NWD1: variants seen among roughly 807,000 people sequenced by gnomAD.
The protein encoded by NWD1 is NACHT and WD repeat domain containing 1, also known as NACHT domain- and WD repeat-containing protein 1.
Under a neutral mutation model 135.1 loss-of-function variants are expected in NWD1, and 129 were observed. The ratio of observed to expected loss-of-function variants is 0.96; its 90% CI spans 0.83 to 1.11. NWD1 has a LOEUF of 1.11. NWD1 is among the 50% of genes least tolerant of loss of function. NWD1 has a pLI of 0.00. For synonymous variants in NWD1, 773 were observed against 786.0 expected (o/e 0.98, Z 0.28); for missense variants, 1,740 against 1,851.3 (o/e 0.94, Z 1.10).
At chr19:16,750,483 C>G (rs769597727) in intron 6 of NWD1, 72 bp downstream of exon 6, 15 of 1,205,566 alleles carry the variant, frequency 1.2e-5, no homozygotes, top group Non-Finnish European at 1.7e-5. Flanking sequence ...AGATGGAGGT[C>G]TGGCTATGTC....
intron 5 of NWD1, among the ~76,000 whole-genome samples, chr19:16,746,097 G>A (rs1297439165): frequency 6.6e-6 from 1 of 152,088 alleles, no homozygotes; most frequent in Non-Finnish European, 1.5e-5. Context: ...GCTCATGCCT[G>A]TAATCCCAGC....
rs762146683 is a variant in NWD1 at position 16,749,918 on chromosome 19, T to C, written c.1276T>C (p.Cys426Arg). 1 of 1,613,636 alleles carries C rather than the reference T, an allele frequency of 6.2e-7. No individual in the cohort carries two copies. The highest frequency in any genetic ancestry group is 8.5e-7 in the Non-Finnish European group (1 of 1,180,030). Residue 426 changes from cysteine (C) to arginine (R), a missense_variant, in exon 6 of 19, where the codon TGC becomes CGC. Physicochemically the swap from Cys to Arg is radical, Grantham distance 180. Coordinates refer to ENST00000524140, the MANE Select transcript of NWD1 (RefSeq NM_001007525.5). ...CCATACCCTCCTCCACACTGTCTCT[T>C]GCAGAAACTTCGAGTCTCTCGTGCT... Reference protein sequence around the residue: ...FFHTLLHTVSCRNFESLVLLL... With the variant: ...FFHTLLHTVSRRNFESLVLLL...
At chr19:16,796,512 T>C (rs889069789) in intron 15 of NWD1, among the ~76,000 whole-genome samples, 2 of 152,146 alleles carry the variant, frequency 1.3e-5, no homozygotes, top group Middle Eastern at 3.2e-3. Flanking sequence ...TGGATTTCAT[T>C]TGGAAACAGC....
chr19:16,779,201 T>A lies in NWD1; in HGVS notation c.2609-142T>A, dbSNP rs1416882337. ...CTGAGTCTGCGAATCTAATCCTTGC[T>A]GTGCAGCTTTGGGCAAGGGACCAAA... On this transcript the variant is annotated intron_variant, in intron 11 of 18. Transcript: ENST00000524140. 3.5e-6 allele frequency: 3 copies of A among 857,242 alleles called. No homozygotes were observed. In the African/African-American group the frequency reaches 5.0e-5, roughly 14 times the overall value. 53.1% of individuals were successfully genotyped at this position (857,242 alleles called of 1,614,324 possible).
Position 16,815,693 on chromosome 19 carries a change from G to A in NWD1, c.*654G>A, listed in dbSNP as rs1330315240. 6.2e-5 allele frequency: 12 copies of A among 195,024 alleles called. No individual in the cohort carries two copies. Among genetic ancestry groups the A allele is most frequent in the Non-Finnish European group, 9.5e-5 (9 of 94,486 alleles). 12.1% of individuals were successfully genotyped at this position (195,024 alleles called of 1,614,324 possible). A position where few individuals can be genotyped will look rare whatever the true frequency, so the allele number is the denominator to read the frequency against. ...TCTGGGAGAATGCAGAGCTCTAATC[G>A]GCTAGACTGATCCAATGTCCACCAC... is the stretch of plus-strand genomic sequence containing the variant. On this transcript the variant is annotated 3_prime_UTR_variant, in exon 19 of 19. Transcript: ENST00000524140.
At chr19:16,748,330 G>A (rs970835379) in intron 5 of NWD1, among the ~76,000 whole-genome samples, 3 of 152,032 alleles carry the variant, frequency 2.0e-5, no homozygotes, top group Admixed American at 2.0e-4. Context: ...TATTGTGAAT[G>A]GTGCTGTTAC....
At chr19:16,782,905 CT>C (rs1969905046) in intron 12 of NWD1, among the ~76,000 whole-genome samples, 1 of 110,246 alleles carries the variant, frequency 9.1e-6, no homozygotes, top group Non-Finnish European at 1.6e-5. Flanking sequence ...TCCATCCTTC[CT>C]TCCTTCTTTC....
intron 1 of NWD1, among the ~76,000 whole-genome samples, chr19:16,722,086 C>A (rs1177039478): frequency 6.6e-6 from 1 of 151,598 alleles, no homozygotes; most frequent in African/African-American, 2.4e-5. Context: ...GCACTCTAAT[C>A]TGGGCAATGG....
intron 1 of NWD1, 114 bp downstream of exon 1, chr19:16,720,407 T>C (rs1320872354): frequency 2.0e-5 from 3 of 152,176 alleles, no homozygotes; most frequent in Non-Finnish European, 4.4e-5. Flanking sequence ...GCATTGAAGC[T>C]AAAATGTGAA....
At chr19:16,764,437 TCTC>T (rs1251701836) in intron 9 of NWD1, among the ~76,000 whole-genome samples, 3 of 149,656 alleles carry the variant, frequency 2.0e-5, no homozygotes, top group African/African-American at 7.4e-5. Context: ...CCATCTATGA[TCTC>T]CTTATTGAGC....
At chr19:16,808,804 C>T (rs1411474561) in intron 18 of NWD1, among the ~76,000 whole-genome samples, 1 of 151,844 alleles carries the variant, frequency 6.6e-6, no homozygotes, top group East Asian at 2.0e-4. Context: ...AAAAGCTCAG[C>T]AATGGTAGGC....
intron 10 of NWD1, among the ~76,000 whole-genome samples, chr19:16,768,756 A>AG (rs1969315327): frequency 6.6e-6 from 1 of 152,208 alleles, no homozygotes; most frequent in African/African-American, 2.4e-5. Context: ...TCACAAAGGA[A>AG]GGGGGAGTAT....
At chr19:16,782,108 GA>G (rs199751769) in intron 12 of NWD1, among the ~76,000 whole-genome samples, 7,113 of 122,028 alleles carry the variant, frequency 0.058, 223 homozygotes, top group African/African-American at 0.1. Context: ...AAAAAAAAAA[GA>G]AAAAAAAAAA....
Position 16,767,807 on chromosome 19 carries a change from T to C in NWD1, c.2410+2615T>C, listed in dbSNP as rs993617578. 2.6e-5 allele frequency among the ~76,000 whole-genome samples: 4 copies of C among 151,936 alleles called. No individual in the cohort carries two copies. The East Asian group carries it at 7.7e-4, about 29-fold the overall frequency. ...ACCCATATCTCTCCCCATTCTCCCT[T>C]CACCCCAGTCCCTGGCAACCACCAT... On this transcript the variant is annotated intron_variant, in intron 10 of 18. Transcript: ENST00000524140.
intron 6 of NWD1, among the ~76,000 whole-genome samples, chr19:16,755,263 T>C (rs1968746394): frequency 6.6e-6 from 1 of 152,174 alleles, no homozygotes; most frequent in Admixed American, 6.6e-5. Context: ...TGACCCAGAC[T>C]GGAGTGCACT....
At chr19:16,748,049 TC>T (rs1968396817) in intron 5 of NWD1, among the ~76,000 whole-genome samples, 1 of 152,216 alleles carries the variant, frequency 6.6e-6, no homozygotes, top group Non-Finnish European at 1.5e-5. Flanking sequence ...AGTGACATGA[TC>T]TTGGCTCACT....
chr19:16,775,817 G>GCCA (rs1969579543), intron 11 of NWD1, among the ~76,000 whole-genome samples: 1 of 152,070 alleles, frequency 6.6e-6, no homozygotes, highest in Admixed American at 6.6e-5. Flanking sequence ...ACAGGCACAT[G>GCCA]CCACCATGCC....
At chr19:16,787,288 G>A (rs1346375500) in intron 12 of NWD1, among the ~76,000 whole-genome samples, 1 of 151,804 alleles carries the variant, frequency 6.6e-6, no homozygotes, top group Non-Finnish European at 1.5e-5. Flanking sequence ...CACCCCACCT[G>A]GCTAATTATT....
chr19:16,734,140 G>C (rs111952181), intron 3 of NWD1, among the ~76,000 whole-genome samples: 2 of 152,122 alleles, frequency 1.3e-5, no homozygotes, highest in Non-Finnish European at 2.9e-5. Flanking sequence ...ACCTTGGTAC[G>C]TCCAGTGCTG....
Sources: gnomAD v4.1 joint callset for allele counts (sites outside exome capture counted in the v4.1 genomes callset) on GRCh38, gnomAD v4.1.1 for gene constraint, MANE v1.5 for transcripts, NCBI Gene and HGNC (gene_info 2026-07-23, HGNC 2026-07-21) for gene names.